CSMD1: variants seen among roughly 807,000 people sequenced by gnomAD.
The protein encoded by CSMD1 is CUB and sushi domain-containing protein 1.
Under a neutral mutation model 417.5 loss-of-function variants are expected in CSMD1, and 213 were observed. The ratio of observed to expected loss-of-function variants is 0.51; its 90% CI spans 0.46 to 0.57. CSMD1 has a LOEUF of 0.57. Among genes scored for constraint, CSMD1 ranks in the 20% least tolerant of loss-of-function variants. The probability of loss-of-function intolerance (pLI) is 0.00; values close to 1 mark genes in which losing one functional copy is unlikely to be tolerated. For synonymous variants in CSMD1, 2,862 were observed against 1,736.8 expected (o/e 1.65, Z -16.11); for missense variants, 6,923 against 4,529.7 (o/e 1.53, Z -15.17).
At chr8:3,838,501 G>C (rs752913402) in intron 5 of CSMD1, among the ~76,000 whole-genome samples, 1 of 136,492 alleles carries the variant, frequency 7.3e-6, no homozygotes. Context: ...ATATAGCCTA[G>C]GCTATATATA....
intron 20 of CSMD1, among the ~76,000 whole-genome samples, 196 bp downstream of exon 20, chr8:3,366,836 T>C (rs921870396): frequency 6.6e-6 from 1 of 152,300 alleles, no homozygotes; most frequent in East Asian, 1.9e-4. Context: ...ATTTTCTGGA[T>C]GCCACATAAC....
At chr8:3,448,090 A>C (rs1405831699) in intron 12 of CSMD1, among the ~76,000 whole-genome samples, 4 of 151,724 alleles carry the variant, frequency 2.6e-5, no homozygotes, top group Non-Finnish European at 5.9e-5. Flanking sequence ...AATCCTAAAA[A>C]TAAGATAGAA....
chr8:3,059,836 T>A (rs541931445), intron 49 of CSMD1, among the ~76,000 whole-genome samples: 1 of 151,872 alleles, frequency 6.6e-6, no homozygotes, highest in Non-Finnish European at 1.5e-5. Flanking sequence ...GAGAGAGAAG[T>A]GATTCAAGCA....
At chr8:4,027,391 C>A (rs1459135807) in intron 4 of CSMD1, among the ~76,000 whole-genome samples, 1 of 152,108 alleles carries the variant, frequency 6.6e-6, no homozygotes, top group African/African-American at 2.4e-5. Flanking sequence ...CCCTAATCCC[C>A]ATGAGTTGGG....
chr8:3,322,625 A>C (rs894639157), intron 23 of CSMD1, among the ~76,000 whole-genome samples: 5 of 152,160 alleles, frequency 3.3e-5, no homozygotes, highest in African/African-American at 1.2e-4. Context: ...TAAAGTGACC[A>C]AAGTTGTAGG....
chr8:4,345,868 C>G (rs545784304), intron 3 of CSMD1, among the ~76,000 whole-genome samples: 2 of 152,260 alleles, frequency 1.3e-5, no homozygotes, highest in Admixed American at 6.5e-5. Context: ...GTTACATGCA[C>G]TGACAGGCAG....
At chr8:4,609,696 G>A (rs1415134863) in intron 2 of CSMD1, among the ~76,000 whole-genome samples, 3 of 152,078 alleles carry the variant, frequency 2.0e-5, no homozygotes, top group African/African-American at 7.2e-5. Flanking sequence ...AGGAAACATT[G>A]CCAATTTTAG....
chr8:4,911,527 A>C (rs890400574), intron 1 of CSMD1, among the ~76,000 whole-genome samples: 2 of 152,116 alleles, frequency 1.3e-5, no homozygotes, highest in Non-Finnish European at 2.9e-5. Context: ...ATTTTCCTTA[A>C]TCCCAAGTCA....
intron 2 of CSMD1, among the ~76,000 whole-genome samples, chr8:4,534,030 T>G (rs1292235743): frequency 1.3e-5 from 2 of 151,792 alleles, no homozygotes; most frequent in African/African-American, 2.4e-5. Flanking sequence ...AACAGAACAG[T>G]CTTCCAATTT....
At chr8:3,005,449 G>C (rs1428238868) in intron 52 of CSMD1, among the ~76,000 whole-genome samples, 13 of 152,220 alleles carry the variant, frequency 8.5e-5, no homozygotes, top group African/African-American at 3.1e-4. Context: ...TGATACCAAA[G>C]CTGGGCAGAA....
chr8:4,878,311 C>T (rs1260952757), intron 1 of CSMD1, among the ~76,000 whole-genome samples: 1 of 152,050 alleles, frequency 6.6e-6, no homozygotes, highest in African/African-American at 2.4e-5. Context: ...GCAATTAGAA[C>T]TCATCTTTCT....
At chr8:4,431,254 G>A (rs1797854314) in intron 2 of CSMD1, among the ~76,000 whole-genome samples, 1 of 152,022 alleles carries the variant, frequency 6.6e-6, no homozygotes, top group Non-Finnish European at 1.5e-5. Flanking sequence ...ATGGCTCAAA[G>A]ATGTTAAATA....
chr8:3,972,945 A>G (rs1236130922), intron 5 of CSMD1, among the ~76,000 whole-genome samples: 1 of 152,244 alleles, frequency 6.6e-6, no homozygotes, highest in Non-Finnish European at 1.5e-5. Context: ...AGGAAATAAA[A>G]TGAAATAAAA....
intron 1 of CSMD1, among the ~76,000 whole-genome samples, chr8:4,851,280 T>C (rs180834893): frequency 6.6e-6 from 1 of 152,218 alleles, no homozygotes; most frequent in East Asian, 1.9e-4. Flanking sequence ...CATGAACTCA[T>C]CATTTTTTAT....
chr8:3,375,005 T>A (rs1203497777), intron 18 of CSMD1: 1 of 152,294 alleles, frequency 6.6e-6, no homozygotes, highest in East Asian at 1.9e-4. Context: ...ATCTCCGTGT[T>A]AGAGACGGCA....
intron 5 of CSMD1, among the ~76,000 whole-genome samples, chr8:3,956,490 G>T (rs906431723): frequency 6.6e-6 from 1 of 152,156 alleles, no homozygotes; most frequent in Non-Finnish European, 1.5e-5. Flanking sequence ...TTCCTAAAGA[G>T]ATTGTAGGAA....
At chr8:4,765,697 T>G (rs1812417107) in intron 1 of CSMD1, among the ~76,000 whole-genome samples, 1 of 152,206 alleles carries the variant, frequency 6.6e-6, no homozygotes, top group Admixed American at 6.5e-5. Flanking sequence ...AGTGGCTAAT[T>G]CAGATTGTGC....
intron 17 of CSMD1, among the ~76,000 whole-genome samples, chr8:3,390,138 TG>T (rs980243839): frequency 2.0e-4 from 31 of 152,156 alleles, no homozygotes; most frequent in African/African-American, 7.0e-4. Context: ...GTGGATCACC[TG>T]ATGTCAGGAG....
intron 52 of CSMD1, among the ~76,000 whole-genome samples, chr8:3,004,195 A>G (rs1807673958): frequency 6.6e-6 from 1 of 152,230 alleles, no homozygotes; most frequent in Non-Finnish European, 1.5e-5. Flanking sequence ...ACCTTACACT[A>G]TGATGCCAGA....
Sources: allele counts gnomAD v4.1 joint callset (sites outside exome capture counted in the v4.1 genomes callset), GRCh38; gene constraint gnomAD v4.1.1; transcripts MANE v1.5; gene names NCBI Gene and HGNC (gene_info 2026-07-23, HGNC 2026-07-21).